CADM2: variants seen among roughly 807,000 people sequenced by gnomAD.
CADM2 encodes the protein immunoglobulin superfamily member 4D.
Under a neutral mutation model 49.8 loss-of-function variants are expected in CADM2, and 12 were observed. The observed-to-expected ratio is 0.24, with a 90% CI of 0.15 to 0.39. CADM2 has a LOEUF of 0.39. Ranked by LOEUF, CADM2 falls within the 10% of genes least tolerant of loss-of-function variation. The probability of loss-of-function intolerance (pLI) is 1.00; values close to 1 mark genes in which losing one functional copy is unlikely to be tolerated. For synonymous variants in CADM2, 214 were observed against 175.4 expected, an observed-to-expected ratio of 1.22 and a Z score of -1.74; for missense variants, 378 against 492.3, an observed-to-expected ratio of 0.77 and a Z score of 2.20.
intron 1 of CADM2, among the ~76,000 whole-genome samples, chr3:85,063,952 C>G (rs1270757640): frequency 6.6e-6 from 1 of 152,184 alleles, no homozygotes; most frequent in Middle Eastern, 3.4e-3. Context: ...AGGTCCCCTC[C>G]CCAGTAGGTT....
At chr3:85,623,597 G>C (rs1440589938) in intron 1 of CADM2, among the ~76,000 whole-genome samples, 1 of 152,112 alleles carries the variant, frequency 6.6e-6, no homozygotes, top group Non-Finnish European at 1.5e-5. Context: ...GAATCAGAGA[G>C]CAAGTGTTAT....
At chr3:85,055,649 T>C (rs17022384) in intron 1 of CADM2, among the ~76,000 whole-genome samples, 4,808 of 152,166 alleles carry the variant, frequency 0.032, 231 homozygotes, top group African/African-American at 0.11. Context: ...CATTTTCCAT[T>C]GCAGATACCT....
intron 1 of CADM2, among the ~76,000 whole-genome samples, chr3:85,161,671 T>C (rs2040328729): frequency 6.6e-6 from 1 of 152,084 alleles, no homozygotes; most frequent in African/African-American, 2.4e-5. Context: ...TATGTTGACA[T>C]AGATAGGAAG....
chr3:85,776,385 A>C (rs2070362974), intron 2 of CADM2, among the ~76,000 whole-genome samples: 2 of 151,844 alleles, frequency 1.3e-5, no homozygotes, highest in Admixed American at 6.6e-5. Context: ...AGAGAGAAAG[A>C]TAATGTTATT....
At chr3:85,892,831 A>G (rs1401816985) in intron 5 of CADM2, among the ~76,000 whole-genome samples, 1 of 152,200 alleles carries the variant, frequency 6.6e-6, no homozygotes, top group East Asian at 1.9e-4. Flanking sequence ...GTTTGGAGGT[A>G]TCAGAAGAAG....
At chr3:85,311,084 G>C (rs1403839286) in intron 1 of CADM2, among the ~76,000 whole-genome samples, 1 of 151,988 alleles carries the variant, frequency 6.6e-6, no homozygotes, top group African/African-American at 2.4e-5. Context: ...AGTATCAATT[G>C]ACCATGCATT....
chr3:85,923,896 G>C (rs1223256682), intron 6 of CADM2, among the ~76,000 whole-genome samples: 1 of 152,186 alleles, frequency 6.6e-6, no homozygotes, highest in African/African-American at 2.4e-5. Context: ...ATAGCCACAT[G>C]TGATTAGTTG....
intron 1 of CADM2, among the ~76,000 whole-genome samples, chr3:85,113,472 C>T (rs1439934590): frequency 6.6e-6 from 1 of 151,780 alleles, no homozygotes; most frequent in African/African-American, 2.4e-5. Flanking sequence ...AATAAAGTTC[C>T]ACCAAAGTAA....
In CADM2 at chr3:85,534,973, C is replaced by G. The variant is rs547595818; in HGVS notation, c.62-191549C>G. ...CAGTGGATAGGCCTGACATTACAGC[C>G]ACAAAATGTATCAAAAATCAGTTTG... is the stretch of plus-strand genomic sequence containing the variant. On this transcript the variant is annotated intron_variant, in intron 1 of 9. Coordinates refer to ENST00000383699, the MANE Select transcript of CADM2 (RefSeq NM_001167675.2). Among the ~76,000 whole-genome samples, 50 of 152,178 alleles carry G rather than the reference C, an allele frequency of 3.3e-4. 1 individual carries two copies. Among genetic ancestry groups the G allele is most frequent in the African/African-American group, 1.2e-3 (49 of 41,530 alleles).
rs200044472 is a variant in CADM2, at chr3:85,180,070, C to CTTTTA, written c.61+220403_61+220407dup. Reference sequence around the variant, plus strand: ...TATTGATATTATGTTATATAAAAATCTTTTACATTCAAATTGGGCTTATTG... The same window carrying CTTTTA: ...TATTGATATTATGTTATATAAAAATCTTTTATTTTACATTCAAATTGGGCTTATTG... On this transcript the variant is annotated intron_variant, in intron 1 of 9. Coordinates refer to ENST00000383699, the MANE Select transcript of CADM2 (RefSeq NM_001167675.2). Among the ~76,000 whole-genome samples, 1,168 of 151,984 alleles carry CTTTTA rather than the reference C, an allele frequency of 7.7e-3. 12 individuals carry two copies. Among genetic ancestry groups the CTTTTA allele is most frequent in the African/African-American group, 0.027 (1,110 of 41,470 alleles).
intron 1 of CADM2, among the ~76,000 whole-genome samples, chr3:85,451,054 C>G (rs543122678): frequency 1.3e-5 from 2 of 152,100 alleles, no homozygotes; most frequent in African/African-American, 4.8e-5. Flanking sequence ...TAAATCCTGA[C>G]TTACAAACCA....
At chr3:85,385,136 TG>T (rs747960047) in intron 1 of CADM2, among the ~76,000 whole-genome samples, 9 of 152,108 alleles carry the variant, frequency 5.9e-5, no homozygotes, top group African/African-American at 9.7e-5. Context: ...GGTTTTGCCA[TG>T]TTGTCCAGGC....
Position 86,018,380 on chromosome 3 carries a change from T to TG in CADM2, c.971-47222dup, listed in dbSNP as rs574718246. Among the ~76,000 whole-genome samples the TG allele has an allele frequency of 2.4e-3, 367 of 150,942 alleles. 1 individual carries two copies. Among genetic ancestry groups the TG allele is most frequent in the African/African-American group, 8.7e-3 (357 of 40,920 alleles). On this transcript the variant is annotated intron_variant, in intron 8 of 9. Transcript: ENST00000383699. ...TATAGCAGCATGATTTATAATCCTT[T>TG]GGGTATATACCCAGTAATGGGATGG...
chr3:85,438,747 A>T (rs1264748344), intron 1 of CADM2, among the ~76,000 whole-genome samples: 1 of 152,052 alleles, frequency 6.6e-6, no homozygotes, highest in East Asian at 1.9e-4. Flanking sequence ...ATCACAGCTC[A>T]CTGTAGCCTC....
At chr3:85,613,613 A>G (rs2063731543) in intron 1 of CADM2, among the ~76,000 whole-genome samples, 1 of 151,638 alleles carries the variant, frequency 6.6e-6, no homozygotes, top group Non-Finnish European at 1.5e-5. Flanking sequence ...TGGTTTGAGA[A>G]TGACACTTTA....
At chr3:85,196,423 ATAAT>A (rs1360856135) in intron 1 of CADM2, among the ~76,000 whole-genome samples, 1 of 152,010 alleles carries the variant, frequency 6.6e-6, no homozygotes, top group African/African-American at 2.4e-5. Flanking sequence ...ATCCTGAAGT[ATAAT>A]CAAATGCCTA....
chr3:84,984,709 G>A (rs536581836), intron 1 of CADM2, among the ~76,000 whole-genome samples: 3 of 152,122 alleles, frequency 2.0e-5, no homozygotes, highest in African/African-American at 7.2e-5. Context: ...TGACACAGAA[G>A]ACATTCTCAT....
intron 1 of CADM2, among the ~76,000 whole-genome samples, chr3:85,240,286 T>C (rs2042501325): frequency 6.6e-6 from 1 of 151,548 alleles, no homozygotes; most frequent in Non-Finnish European, 1.5e-5. Context: ...AAATTGTTTT[T>C]AGCATGAAAA....
chr3:85,839,048 A>G (rs778579348), intron 3 of CADM2, among the ~76,000 whole-genome samples: 3 of 151,720 alleles, frequency 2.0e-5, no homozygotes, highest in Non-Finnish European at 4.4e-5. Context: ...TCTCTTTAAC[A>G]TATGCTTGGA....
Sources: allele counts gnomAD v4.1 joint callset (sites outside exome capture counted in the v4.1 genomes callset), GRCh38; gene constraint gnomAD v4.1.1; transcripts MANE v1.5; gene names NCBI Gene and HGNC (gene_info 2026-07-23, HGNC 2026-07-21).